BCAS3: variants seen among roughly 807,000 people sequenced by gnomAD.
BCAS3 encodes the protein BCAS4/BCAS3 fusion.
Under a neutral mutation model 116.1 loss-of-function variants are expected in BCAS3, and 53 were observed. That is an observed-to-expected ratio of 0.46 (90% CI 0.37 to 0.57). The LOEUF is 0.57. Ranked by LOEUF, BCAS3 falls within the 20% of genes least tolerant of loss-of-function variation. The pLI, the probability that BCAS3 is intolerant of heterozygous loss-of-function variation, is 0.00. For missense variants in BCAS3, 917 were observed against 1,165.4 expected (o/e 0.79, Z 3.10); for synonymous variants, 391 against 408.2 (o/e 0.96, Z 0.51).
rs187964477 is a variant in BCAS3 at position 61,046,493 on chromosome 17, A to G, written c.2029+5601A>G. ...CCTGATGCTGGTACTATATTTGCAT[A>G]TGACCCACGCACATCCCCCTGTATG... On this transcript the variant is annotated intron_variant, in intron 19 of 23. Coordinates refer to ENST00000407086, the MANE Select transcript of BCAS3 (RefSeq NM_017679.5). Among the ~76,000 whole-genome samples, 249 of 151,890 alleles carry G rather than the reference A, an allele frequency of 1.6e-3. 1 individual carries two copies. Among genetic ancestry groups the G allele is most frequent in the African/African-American group, 5.2e-3 (215 of 41,478 alleles).
intron 7 of BCAS3, among the ~76,000 whole-genome samples, chr17:60,832,196 A>T (rs577724034): frequency 6.6e-6 from 1 of 152,324 alleles, no homozygotes; most frequent in African/African-American, 2.4e-5. Flanking sequence ...ATGTGTTTTC[A>T]GTATGATTGT....
At chr17:60,891,070 A>C (rs549637432) in intron 10 of BCAS3, among the ~76,000 whole-genome samples, 1 of 152,096 alleles carries the variant, frequency 6.6e-6, no homozygotes, top group Non-Finnish European at 1.5e-5. Flanking sequence ...TTGATTTTCC[A>C]GTATATCTTG....
intron 6 of BCAS3, among the ~76,000 whole-genome samples, chr17:60,770,319 A>G (rs902032487): frequency 7.4e-5 from 11 of 149,094 alleles, no homozygotes; most frequent in Middle Eastern, 3.7e-3. Context: ...TCCCCAGTTC[A>G]TAGTCCATCC....
chr17:60,780,943 A>G (rs1277030535), intron 6 of BCAS3, among the ~76,000 whole-genome samples: 1 of 151,958 alleles, frequency 6.6e-6, no homozygotes. Flanking sequence ...ATTTGCCACC[A>G]TGGTTCTGTT....
intron 19 of BCAS3, among the ~76,000 whole-genome samples, chr17:61,064,536 G>A (rs1398837016): frequency 6.6e-6 from 1 of 152,136 alleles, no homozygotes; most frequent in Non-Finnish European, 1.5e-5. Context: ...AACAATAAAT[G>A]AAAGCTCCTT....
rs990831639 is a variant in BCAS3, at chr17:60,718,004, A to G, written c.321+8679A>G. Among the ~76,000 whole-genome samples the G allele has an allele frequency of 3.9e-5, 6 of 152,218 alleles. No individual in the cohort carries two copies. The East Asian group carries it at 9.6e-4, about 24-fold the overall frequency. On this transcript the variant is annotated intron_variant, in intron 5 of 23. Coordinates refer to ENST00000407086, the MANE Select transcript of BCAS3 (RefSeq NM_017679.5). ...GATTCTCATAAGGAGCACACAATCTAGACACTTCACATGCGCGGTTCACGT... is the reference window on the plus strand; with the variant it reads ...GATTCTCATAAGGAGCACACAATCTGGACACTTCACATGCGCGGTTCACGT...
chr17:60,938,828 A>G (rs906733333), intron 13 of BCAS3, among the ~76,000 whole-genome samples: 1 of 152,198 alleles, frequency 6.6e-6, no homozygotes, highest in African/African-American at 2.4e-5. Flanking sequence ...AAATATTTAA[A>G]AGCCAGTAAG....
intron 7 of BCAS3, among the ~76,000 whole-genome samples, chr17:60,857,813 ATTAG>A (rs2053808858): frequency 6.6e-6 from 1 of 152,168 alleles, no homozygotes; most frequent in Non-Finnish European, 1.5e-5. Flanking sequence ...ATCTTTTCCT[ATTAG>A]TTGTTGAATG....
intron 7 of BCAS3, among the ~76,000 whole-genome samples, chr17:60,835,572 G>T (rs1378642183): frequency 4.0e-5 from 6 of 148,788 alleles, no homozygotes; most frequent in Non-Finnish European, 7.4e-5. Flanking sequence ...GAATATTAAA[G>T]ATTAAAGTGT....
At chr17:61,170,698 T>C (rs964338811) in intron 22 of BCAS3, among the ~76,000 whole-genome samples, 2 of 152,136 alleles carry the variant, frequency 1.3e-5, no homozygotes, top group Admixed American at 6.5e-5. Context: ...TCAGAGCTCG[T>C]CGCTGGTACA....
At chr17:60,710,368 A>G (rs2037708575) in intron 5 of BCAS3, among the ~76,000 whole-genome samples, 1 of 152,072 alleles carries the variant, frequency 6.6e-6, no homozygotes, top group Admixed American at 6.6e-5. Flanking sequence ...CAAGTACAGA[A>G]TTTGACCTCA....
rs1001979193 is a variant in BCAS3 at position 61,313,942 on chromosome 17, G to A, written c.2426-54385G>A. ...TTAGTGCTGGCTCCAGAGTCTCGTGGGGGAAGCCGGCTGGCAGCACACAGG... is the reference window on the plus strand; with the variant it reads ...TTAGTGCTGGCTCCAGAGTCTCGTGAGGGAAGCCGGCTGGCAGCACACAGG... On this transcript the variant is annotated intron_variant, in intron 22 of 23. Coordinates refer to ENST00000407086, the MANE Select transcript of BCAS3 (RefSeq NM_017679.5). The surrounding 1 kb of genome is among the most constrained non-coding windows in gnomAD (Gnocchi z 4.3). Among the ~76,000 whole-genome samples the A allele has an allele frequency of 2.6e-5, 4 of 152,180 alleles. No individual in the cohort carries two copies. Among genetic ancestry groups the A allele is most frequent in the Non-Finnish European group, 5.9e-5 (4 of 68,038 alleles).
chr17:61,225,085 G>C (rs2082301476), intron 22 of BCAS3, among the ~76,000 whole-genome samples: 1 of 151,540 alleles, frequency 6.6e-6, no homozygotes, highest in South Asian at 2.1e-4. Context: ...CAGGAGACTT[G>C]TCAGCAGTTA....
rs1204194866 is a variant in BCAS3, at chr17:61,056,857, G to A, written c.2029+15965G>A. ...CACAGATTTTTTCTCTCCAGTTATG[G>A]AAAACCTCATAGTTGTTAGAACTCT... On this transcript the variant is annotated intron_variant, in intron 19 of 23. Transcript: ENST00000407086. This position sits in a 1 kb window ranked among gnomAD's most constrained non-coding sequence, Gnocchi z 4.9. Among the ~76,000 whole-genome samples the A allele has an allele frequency of 6.6e-6, 1 of 152,150 alleles. No homozygotes were observed. Among genetic ancestry groups the A allele is most frequent in the Admixed American group, 6.5e-5 (1 of 15,276 alleles).
intron 22 of BCAS3, among the ~76,000 whole-genome samples, chr17:61,101,788 A>G (rs945254072): frequency 6.6e-6 from 1 of 152,132 alleles, no homozygotes; most frequent in African/African-American, 2.4e-5. Flanking sequence ...TGATTTCAGA[A>G]TAATATTTGG....
rs1323930143 is a variant in BCAS3 at position 61,124,028 on chromosome 17, G to A, written c.2425+39464G>A. 6.6e-6 allele frequency among the ~76,000 whole-genome samples: 1 copy of A among 151,938 alleles called. No homozygotes were observed. The highest frequency in any genetic ancestry group is 1.5e-5 in the Non-Finnish European group (1 of 68,006). ...TTCTTTTATGTGCTTATACTACATG[G>A]TTTTCAGCTATCAAATGTTATTTCA... On this transcript the variant is annotated intron_variant, in intron 22 of 23. Coordinates refer to ENST00000407086, the MANE Select transcript of BCAS3 (RefSeq NM_017679.5). The surrounding 1 kb of genome is among the most constrained non-coding windows in gnomAD (Gnocchi z 4.6).
rs1424354611 is a variant in BCAS3 at position 61,367,275 on chromosome 17, A to G, written c.2426-1052A>G. The stretch of plus-strand genomic sequence containing the variant: ...TAAATGCAGTGGATTCAGTTACCTA[A>G]TCGCTGGGGAAATGGTATGTGCTTA... On this transcript the variant is annotated intron_variant, in intron 22 of 23. Transcript: ENST00000407086. The surrounding 1 kb of genome is among the most constrained non-coding windows in gnomAD (Gnocchi z 6.2). 6.6e-6 allele frequency among the ~76,000 whole-genome samples: 1 copy of G among 152,256 alleles called. No homozygotes were observed. The highest frequency in any genetic ancestry group is 1.5e-5 in the Non-Finnish European group (1 of 68,048).
chr17:60,818,532 A>G (rs908315201), intron 7 of BCAS3, among the ~76,000 whole-genome samples: 3 of 152,240 alleles, frequency 2.0e-5, no homozygotes, highest in Admixed American at 6.5e-5. Context: ...GAGCCCTTAT[A>G]TATGATACCT....
intron 22 of BCAS3, among the ~76,000 whole-genome samples, chr17:61,089,488 T>C (rs75854031): frequency 6.7e-6 from 1 of 148,438 alleles, no homozygotes; most frequent in South Asian, 2.2e-4. Context: ...TTTTTTTTTT[T>C]CTTCGAGACG....
Sources: allele counts gnomAD v4.1 joint callset (sites outside exome capture counted in the v4.1 genomes callset), GRCh38; gene constraint gnomAD v4.1.1; non-coding constraint Gnocchi (gnomAD v3.1); transcripts MANE v1.5; gene names NCBI Gene and HGNC (gene_info 2026-07-23, HGNC 2026-07-21).